The following REV3L variants were observed in gnomAD, a reference collection of about 807,000 sequenced individuals.
The protein encoded by REV3L is REV3 like, DNA directed polymerase zeta catalytic subunit.
Under a neutral mutation model 299.4 loss-of-function variants are expected in REV3L, and 69 were observed. The observed-to-expected ratio is 0.23, with a 90% CI of 0.19 to 0.28. The LOEUF is 0.28. Among genes scored for constraint, REV3L ranks in the 10% least tolerant of loss-of-function variants. The pLI is 1.00. For synonymous variants in REV3L, 1,238 were observed against 1,271.4 expected (o/e 0.97, Z 0.56); for missense variants, 3,128 against 3,693.8 (o/e 0.85, Z 3.97).
At chr6:111,478,999 CTGG>C (rs1793284586) in intron 1 of REV3L, among the ~76,000 whole-genome samples, 1 of 152,188 alleles carries the variant, frequency 6.6e-6, no homozygotes, top group South Asian at 2.1e-4. Flanking sequence ...TCTGTTTAAC[CTGG>C]TGCTGAGGAA....
Position 111,392,895 on chromosome 6 carries a change from C to A in REV3L, c.643G>T (p.Glu215Ter). Residue 215 changes from glutamate (E) to a stop codon, truncating the protein, a stop_gained, in exon 5 of 32, where the codon GAA (glutamate) becomes TAA (stop). Coordinates refer to ENST00000368802, the MANE Select transcript of REV3L (RefSeq NM_001372078.1). LOFTEE classifies it high-confidence loss of function. ...ACTAACCTTGGTATTTCATCTTGTTCCCACCGAAATAAAGTATCAGCAAGA... is the reference window on the plus strand; with the variant it reads ...ACTAACCTTGGTATTTCATCTTGTTACCACCGAAATAAAGTATCAGCAAGA... ...NSLADTLFRW[E>*]QDEIPSSLIL... 1 of 1,610,398 alleles carries A rather than the reference C, an allele frequency of 6.2e-7. No homozygotes were observed. Among genetic ancestry groups the A allele is most frequent in the South Asian group, 1.1e-5 (1 of 91,010 alleles).
rs762409737 is a variant in REV3L at position 111,374,742 on chromosome 6, T to C, written c.3613A>G (p.Lys1205Glu). The part of the protein sequence containing the change: ...NQTNKLVDDG[K>E]KKPRAKQKTN... ...TTTTGTTTTGCTCTTGGTTTCTTTT[T>C]TCCATCATCTACTAGTTTATTTGTC... Residue 1205 changes from lysine (K) to glutamate (E), a missense_variant, in exon 13 of 32, where the codon AAA becomes GAA. By Grantham distance (56) the Lys-to-Glu change is moderately conservative. This residue lies in a region of REV3L where 2,409 missense variants were observed against 2,611.8 expected (regional missense o/e 0.92). Transcript: ENST00000368802. The C allele has an allele frequency of 5.0e-6, 8 of 1,613,010 alleles. No homozygotes were observed. In the Admixed American group the frequency reaches 1.0e-4, roughly 20 times the overall value.
intron 6 of REV3L, 49 bp downstream of exon 6, chr6:111,390,037 A>T (rs761386544): frequency 7.4e-7 from 1 of 1,360,198 alleles, no homozygotes; most frequent in Admixed American, 1.7e-5. Flanking sequence ...CCCGCCGGTC[A>T]TTAATTTTAA....
At chr6:111,444,032 AT>A (rs1336328100) in intron 1 of REV3L, among the ~76,000 whole-genome samples, 21 of 152,240 alleles carry the variant, frequency 1.4e-4, no homozygotes, top group Admixed American at 1.2e-3. Context: ...CATTCCCTCT[AT>A]AAAATATGGG....
Position 111,432,326 on chromosome 6 carries a change from G to A in REV3L, c.140-15854C>T, listed in dbSNP as rs185229659. On this transcript the variant is annotated intron_variant, in intron 1 of 31. Transcript: ENST00000368802. Reference sequence around the variant, plus strand: ...ATGCTGCCTATAAGAAACTTACTTCGCCTATAAAGCCACACACAGACTGAA... The same window carrying A: ...ATGCTGCCTATAAGAAACTTACTTCACCTATAAAGCCACACACAGACTGAA... Among the ~76,000 whole-genome samples the A allele has an allele frequency of 3.9e-5, 6 of 152,138 alleles. No individual in the cohort carries two copies. In the East Asian group the frequency reaches 9.6e-4, roughly 24 times the overall value.
intron 4 of REV3L, among the ~76,000 whole-genome samples, chr6:111,395,773 T>TA (rs1782437090): frequency 1.3e-5 from 2 of 152,166 alleles, no homozygotes; most frequent in Non-Finnish European, 2.9e-5. Flanking sequence ...TTCTAGTTCT[T>TA]AGAGGGCAGG....
chr6:111,342,750 C>G (rs970240088), intron 21 of REV3L, among the ~76,000 whole-genome samples: 1 of 151,200 alleles, frequency 6.6e-6, no homozygotes, highest in Non-Finnish European at 1.5e-5. Flanking sequence ...CCACTATAAA[C>G]CTTGCAGAGA....
chr6:111,422,658 ATATACATATATATATATATACG>A lies in REV3L; in HGVS notation c.140-6208_140-6187del, dbSNP rs1562287800. On this transcript the variant is annotated intron_variant, in intron 1 of 31. Coordinates refer to ENST00000368802, the MANE Select transcript of REV3L (RefSeq NM_001372078.1). ...CATATATATATATATACATATATAT[ATATACATATATATATATATACG>A]TATATATATATATATATATATTTCC... is the stretch of plus-strand genomic sequence containing the variant. Among the ~76,000 whole-genome samples, 135 of 37,528 alleles carry A rather than the reference ATATACATATATATATATATACG, an allele frequency of 3.6e-3. 20 individuals carry two copies. The highest frequency in any genetic ancestry group is 0.012 in the East Asian group (20 of 1,642). The allele number at this position is 37,528 out of a possible 152,430, so 24.6% of individuals were successfully genotyped here. A position where few individuals can be genotyped will look rare whatever the true frequency, so the allele number is the denominator to read the frequency against.
intron 4 of REV3L, among the ~76,000 whole-genome samples, chr6:111,397,528 G>A (rs932488900): frequency 2.0e-5 from 3 of 152,118 alleles, no homozygotes; most frequent in East Asian, 1.9e-4. Flanking sequence ...GTGGCCTAAC[G>A]TATGATCTTT....
intron 26 of REV3L, among the ~76,000 whole-genome samples, chr6:111,322,245 A>T (rs1489168047): frequency 6.6e-6 from 1 of 152,192 alleles, no homozygotes; most frequent in East Asian, 1.9e-4. Context: ...ATATTAGAGG[A>T]ATTATTCACA....
intron 26 of REV3L, among the ~76,000 whole-genome samples, chr6:111,320,973 T>TC (rs778589442): frequency 1.6e-4 from 24 of 152,208 alleles, no homozygotes; most frequent in Admixed American, 1.3e-3. Context: ...ATGTATCAGG[T>TC]AGTGAATGGT....
intron 4 of REV3L, among the ~76,000 whole-genome samples, chr6:111,402,291 T>C (rs1783167121): frequency 6.6e-6 from 1 of 152,110 alleles, no homozygotes; most frequent in African/African-American, 2.4e-5. Flanking sequence ...GTCTGAAGTA[T>C]GTTCCATTTC....
At position 111,299,893 on chromosome 6, in the gene REV3L, A is replaced by G; in HGVS notation, c.*123T>C. ...TAATTCGGTTAGCATAGAAGTCTTC[A>G]TAGTCTTCAGATAACAGACAGTGAA... On this transcript the variant is annotated 3_prime_UTR_variant, in exon 32 of 32. Transcript: ENST00000368802. The G allele has an allele frequency of 1.1e-6, 1 of 921,796 alleles. No homozygotes were observed. Among genetic ancestry groups the G allele is most frequent in the Non-Finnish European group, 1.6e-6 (1 of 622,172 alleles). 57.1% of individuals were successfully genotyped at this position (921,796 alleles called of 1,614,324 possible).
At chr6:111,357,146 C>T in intron 17 of REV3L, 21 bp from the exon 18 acceptor site, 1 of 1,069,574 alleles carries the variant, frequency 9.3e-7, no homozygotes, top group Non-Finnish European at 1.4e-6. Context: ...AACAAAATGT[C>T]TATTATATAT....
At chr6:111,353,234 G>T (rs1283186028) in intron 18 of REV3L, among the ~76,000 whole-genome samples, 1 of 152,112 alleles carries the variant, frequency 6.6e-6, no homozygotes, top group East Asian at 1.9e-4. Context: ...AATGGATCAT[G>T]ACCAGATCAC....
At chr6:111,461,581 T>C (rs1256001135) in intron 1 of REV3L, among the ~76,000 whole-genome samples, 2 of 151,970 alleles carry the variant, frequency 1.3e-5, no homozygotes, top group African/African-American at 4.8e-5. Flanking sequence ...TAGTAATATA[T>C]TGCATGTTGA....
intron 1 of REV3L, among the ~76,000 whole-genome samples, chr6:111,436,696 C>G (rs751602752): frequency 6.6e-6 from 1 of 152,050 alleles, no homozygotes; most frequent in Non-Finnish European, 1.5e-5. Context: ...ATAGAAGAAA[C>G]AAGACCTAGT....
chr6:111,386,598 A>G (rs570246798), intron 9 of REV3L, among the ~76,000 whole-genome samples: 1 of 152,270 alleles, frequency 6.6e-6, no homozygotes, highest in South Asian at 2.1e-4. Flanking sequence ...TTTGCTTGGC[A>G]GAGGTAATCT....
intron 1 of REV3L, among the ~76,000 whole-genome samples, chr6:111,448,344 TTC>T (rs771969533): frequency 4.5e-4 from 69 of 152,244 alleles, no homozygotes; most frequent in Admixed American, 2.5e-3. Flanking sequence ...TTTTTTTCTT[TTC>T]TTTTTTTTTT....
Sources: gnomAD v4.1 joint callset for allele counts (sites outside exome capture counted in the v4.1 genomes callset) on GRCh38, gnomAD v4.1.1 for gene constraint, gnomAD v4.1.1 regional missense constraint, MANE v1.5 for transcripts, NCBI Gene and HGNC (gene_info 2026-07-23, HGNC 2026-07-21) for gene names.